Variants in ATAD1 observed in about 807,000 individuals in gnomAD.
ATAD1 encodes ATPase family AAA domain containing 1, also known as outer mitochondrial transmembrane helix translocase.
ATAD1 carries 18 observed loss-of-function variants against 42.7 expected under a neutral mutation model. The ratio of observed to expected loss-of-function variants is 0.42; its 90% CI spans 0.29 to 0.63. The LOEUF is 0.63. ATAD1 is among the 20% of genes least tolerant of loss of function. The pLI is 0.19. For missense variants in ATAD1, 294 were observed against 440.4 expected (o/e 0.67, Z 2.98); for synonymous variants, 132 against 143.1 (o/e 0.92, Z 0.55).
intron 1 of ATAD1, among the ~76,000 whole-genome samples, chr10:87,826,855 A>T (rs1316271183): frequency 6.6e-6 from 1 of 152,236 alleles, no homozygotes; most frequent in African/African-American, 2.4e-5. Context: ...GACTAATCAT[A>T]TTTCTTCAGT....
At chr10:87,827,437 G>T (rs1338100763) in intron 1 of ATAD1, among the ~76,000 whole-genome samples, 1 of 152,152 alleles carries the variant, frequency 6.6e-6, no homozygotes, top group Non-Finnish European at 1.5e-5. Flanking sequence ...TGGAAGGTGT[G>T]TGGCAACCCT....
At chr10:87,779,944 C>CAG (rs1855489394) in intron 5 of ATAD1, among the ~76,000 whole-genome samples, 1 of 152,196 alleles carries the variant, frequency 6.6e-6, no homozygotes, top group Non-Finnish European at 1.5e-5. Context: ...CACTGTTTTA[C>CAG]CATGTGATCA....
intron 8 of ATAD1, among the ~76,000 whole-genome samples, chr10:87,760,885 T>C (rs1216817175): frequency 6.6e-6 from 1 of 152,242 alleles, no homozygotes; most frequent in Non-Finnish European, 1.5e-5. Flanking sequence ...ATTTTATCAG[T>C]GCTAATTCTT....
chr10:87,775,509 T>C (rs1399476807), intron 6 of ATAD1, among the ~76,000 whole-genome samples: 1 of 129,100 alleles, frequency 7.7e-6, no homozygotes, highest in African/African-American at 3.0e-5. Context: ...AAGTAAGTGA[T>C]TCATTAAAAA....
chr10:87,785,832 A>G (rs2131893215), intron 4 of ATAD1, among the ~76,000 whole-genome samples: 1 of 152,254 alleles, frequency 6.6e-6, no homozygotes, highest in East Asian at 1.9e-4. Context: ...AAGCATACAT[A>G]GAATTTTCTA....
At chr10:87,765,355 T>C (rs11202545) in intron 8 of ATAD1, among the ~76,000 whole-genome samples, 2,848 of 152,174 alleles carry the variant, frequency 0.019, 81 homozygotes, top group African/African-American at 0.064. Flanking sequence ...TACCACGTTA[T>C]TCAATTATAT....
intron 2 of ATAD1, among the ~76,000 whole-genome samples, chr10:87,807,859 C>T (rs1225697624): frequency 6.6e-6 from 1 of 152,084 alleles, no homozygotes; most frequent in Non-Finnish European, 1.5e-5. Flanking sequence ...ATTGCCTTCC[C>T]TATTTATAGA....
intron 4 of ATAD1, among the ~76,000 whole-genome samples, chr10:87,786,658 T>C (rs1009664860): frequency 6.6e-6 from 1 of 152,204 alleles, no homozygotes; most frequent in Non-Finnish European, 1.5e-5. Context: ...CTTATAGTTA[T>C]TCAGTAAACT....
At chr10:87,811,276 C>T (rs1479439840) in intron 2 of ATAD1, among the ~76,000 whole-genome samples, 1 of 151,922 alleles carries the variant, frequency 6.6e-6, no homozygotes, top group Admixed American at 6.6e-5. Flanking sequence ...CAGGGTACAG[C>T]GAGCTGAGAT....
At chr10:87,786,954 CAAA>C (rs762275082) in intron 4 of ATAD1, among the ~76,000 whole-genome samples, 1 of 128,276 alleles carries the variant, frequency 7.8e-6, no homozygotes, top group Admixed American at 7.9e-5. Context: ...GACTCCGTCT[CAAA>C]AAAAAAAAAA....
Position 87,795,290 on chromosome 10 carries a change from T to A in ATAD1, c.163-2535A>T, listed in dbSNP as rs142498931. ...ACACCAAAACTGCCACCAAACAAAC[T>A]GTGTCCCAGGAAGAAGTTATACAAT... is the stretch of plus-strand genomic sequence containing the variant. On this transcript the variant is annotated intron_variant, in intron 2 of 9. Transcript: ENST00000680024. Among the ~76,000 whole-genome samples, 110 of 152,194 alleles carry A rather than the reference T, an allele frequency of 7.2e-4. 2 individuals are homozygous for A. In the East Asian group the frequency reaches 0.02, roughly 27 times the overall value.
chr10:87,764,118 GACAAT>G (rs1854622876), intron 8 of ATAD1, among the ~76,000 whole-genome samples: 1 of 151,822 alleles, frequency 6.6e-6, no homozygotes, highest in South Asian at 2.1e-4. Context: ...CAGAAACAGA[GACAAT>G]ACATATGAGA....
intron 7 of ATAD1, among the ~76,000 whole-genome samples, chr10:87,770,622 A>C (rs1318874424): frequency 6.6e-6 from 1 of 152,206 alleles, no homozygotes; most frequent in Non-Finnish European, 1.5e-5. Context: ...CTCCAATTCT[A>C]TTCTATGCTA....
intron 6 of ATAD1, among the ~76,000 whole-genome samples, chr10:87,773,284 C>CT (rs1188266200): frequency 1.3e-5 from 2 of 152,190 alleles, no homozygotes; most frequent in Non-Finnish European, 2.9e-5. Flanking sequence ...AAAACACTAT[C>CT]TTTTATGTCT....
intron 1 of ATAD1, among the ~76,000 whole-genome samples, chr10:87,833,609 G>C (rs910249993): frequency 1.3e-5 from 2 of 150,806 alleles, no homozygotes; most frequent in Middle Eastern, 3.2e-3. Context: ...TTTTGTACAT[G>C]ACCTTTATGA....
At chr10:87,786,909 T>C (rs11202555) in intron 4 of ATAD1, among the ~76,000 whole-genome samples, 61,607 of 151,478 alleles carry the variant, frequency 0.41, 13,408 homozygotes, top group African/African-American at 0.57. Context: ...GAGCCGAGAT[T>C]GCGCCATTGC....
chr10:87,778,594 G>C (rs1226005895), intron 5 of ATAD1, among the ~76,000 whole-genome samples: 1 of 152,154 alleles, frequency 6.6e-6, no homozygotes, highest in African/African-American at 2.4e-5. Flanking sequence ...AGTTTTGACT[G>C]AGGTTTGACC....
At chr10:87,755,824 A>T (rs1158059092) in intron 9 of ATAD1, among the ~76,000 whole-genome samples, 1 of 151,958 alleles carries the variant, frequency 6.6e-6, no homozygotes, top group African/African-American at 2.4e-5. Context: ...AATCGCTTGA[A>T]CCTGGGGAGA....
intron 2 of ATAD1, among the ~76,000 whole-genome samples, chr10:87,804,884 T>C (rs182201306): frequency 7.2e-5 from 11 of 152,306 alleles, no homozygotes; most frequent in South Asian, 2.1e-4. Flanking sequence ...CCAGTCCCTG[T>C]ACAACACCAT....
Sources: allele counts gnomAD v4.1 joint callset (sites outside exome capture counted in the v4.1 genomes callset), GRCh38; gene constraint gnomAD v4.1.1; transcripts MANE v1.5; gene names NCBI Gene and HGNC (gene_info 2026-07-23, HGNC 2026-07-21).